KLHL3: variants seen among roughly 807,000 people sequenced by gnomAD.
KLHL3 encodes kelch-like protein 3.
A neutral mutation model predicts 70.5 loss-of-function variants in KLHL3; 19 were observed. That is an observed-to-expected ratio of 0.27 (90% confidence interval 0.19 to 0.40). The LOEUF is 0.40. Ranked by LOEUF, KLHL3 falls within the 10% of genes least tolerant of loss-of-function variation. KLHL3 has a pLI of 1.00. For missense variants in KLHL3, 512 were observed against 771.1 expected (o/e 0.66, Z 3.98); for synonymous variants, 258 against 290.3 (o/e 0.89, Z 1.13).
Position 137,698,338 on chromosome 5 carries a change from C to G in KLHL3, c.312G>C (p.Leu104=). ...TTTCAGCAGTATAGATGTAGTCAAT[C>G]AGCTTACTCAGCGTCTGCCCATCCA... ...KDVDGQTLSK[L]IDYIYTAEIE... The change falls in exon 4 of 15, where the codon CTG becomes CTC. Residue 104 remains leucine (L), a synonymous_variant. Coordinates refer to ENST00000309755, the MANE Select transcript of KLHL3 (RefSeq NM_017415.3). 6.2e-7 allele frequency: 1 copy of G among 1,614,216 alleles called. No individual in the cohort carries two copies. The highest frequency in any genetic ancestry group is 1.7e-5 in the Admixed American group (1 of 60,032).
intron 2 of KLHL3, among the ~76,000 whole-genome samples, chr5:137,715,021 G>A (rs1752867214): frequency 6.6e-6 from 1 of 152,166 alleles, no homozygotes. Context: ...TTCAGGCCTG[G>A]TTAGGATGTG....
chr5:137,625,108 G>A (rs1467373572), intron 14 of KLHL3, among the ~76,000 whole-genome samples: 2 of 151,184 alleles, frequency 1.3e-5, no homozygotes, highest in East Asian at 3.9e-4. Flanking sequence ...CAGCCCAAGG[G>A]TTGTTGAAAA....
intron 2 of KLHL3, among the ~76,000 whole-genome samples, chr5:137,716,815 A>C (rs1188686844): frequency 6.6e-6 from 1 of 152,140 alleles, no homozygotes; most frequent in Non-Finnish European, 1.5e-5. Flanking sequence ...ATTTGTTGAT[A>C]TCAGTGGTGG....
Position 137,683,298 on chromosome 5 carries a change from C to T in KLHL3, c.527-5644G>A, listed in dbSNP as rs188498254. Among the ~76,000 whole-genome samples, 654 of 152,232 alleles carry T rather than the reference C, an allele frequency of 4.3e-3. 4 individuals are homozygous for T. Among genetic ancestry groups the T allele is most frequent in the African/African-American group, 0.014 (599 of 41,532 alleles). On this transcript the variant is annotated intron_variant, in intron 5 of 14. Coordinates refer to ENST00000309755, the MANE Select transcript of KLHL3 (RefSeq NM_017415.3). ...TAAACCCCATAAGCCCCATAATTCC[C>T]AGGGCCAGCAGCCCCAGGGAACAGG... is the stretch of plus-strand genomic sequence containing the variant.
intron 1 of KLHL3, among the ~76,000 whole-genome samples, chr5:137,728,581 G>A (rs1398181567): frequency 1.3e-5 from 2 of 152,132 alleles, no homozygotes; most frequent in Non-Finnish European, 2.9e-5. Flanking sequence ...AGAGAAGAGG[G>A]AAGAAAGTGA....
At position 137,655,135 on chromosome 5, in the gene KLHL3, G is replaced by T. The variant is rs115197443; in HGVS notation, c.903+2996C>A. ...ATTCTTCTGATATCATAGAGGATGA[G>T]AACCAATTTCCAAAGGGAAATGTCA... On this transcript the variant is annotated intron_variant, in intron 8 of 14. Transcript: ENST00000309755. Among the ~76,000 whole-genome samples, 1,305 of 152,256 alleles carry T rather than the reference G, an allele frequency of 8.6e-3. 20 individuals are homozygous for T. Among genetic ancestry groups the T allele is most frequent in the African/African-American group, 0.03 (1,231 of 41,542 alleles).
At chr5:137,686,950 C>A (rs1199145003) in intron 5 of KLHL3, among the ~76,000 whole-genome samples, 2 of 9,176 alleles carry the variant, frequency 2.2e-4, no homozygotes, top group Non-Finnish European at 4.4e-4. Context: ...GCCCGGCCAG[C>A]CGCCCCGTCC....
chr5:137,727,149 C>CT (rs1254451538), intron 1 of KLHL3, among the ~76,000 whole-genome samples: 1 of 152,118 alleles, frequency 6.6e-6, no homozygotes, highest in Non-Finnish European at 1.5e-5. Context: ...TCTGTATTCT[C>CT]TATCTCAGAG....
In KLHL3 at chr5:137,658,142, T is replaced by C. The variant is rs774935035; in HGVS notation, c.892A>G (p.Ser298Gly). Reference sequence around the variant, plus strand: ...GGGCTGGGGCTTACCTTGGGAAGGCTGACTGGAGTCCTGGGCTTGGTCCTT... The same window carrying C: ...GGGCTGGGGCTTACCTTGGGAAGGCCGACTGGAGTCCTGGGCTTGGTCCTT... ...NPRTKPRTPV[S>G]LPKVMIVVGG... Residue 298 changes from serine (S) to glycine (G), a missense_variant, in exon 8 of 15, where the codon AGC (serine) becomes GGC (glycine). By Grantham distance (56) the Ser-to-Gly change is moderately conservative. Coordinates refer to ENST00000309755, the MANE Select transcript of KLHL3 (RefSeq NM_017415.3). 3.9e-5 allele frequency: 63 copies of C among 1,612,804 alleles called. No individual in the cohort carries two copies. The highest frequency in any genetic ancestry group is 5.3e-5 in the Non-Finnish European group (63 of 1,179,786).
Position 137,639,463 on chromosome 5 carries a change from G to A in KLHL3, c.1022-313C>T, listed in dbSNP as rs546973286. ...TAATTCCAGTACCTTGGGAAGCCAA[G>A]GCAGGTGGATCACCTGAGGTCAGGA... On this transcript the variant is annotated intron_variant, in intron 9 of 14. Transcript: ENST00000309755. The surrounding 1 kb of genome is among the most constrained non-coding windows in gnomAD (Gnocchi z 5.0). Among the ~76,000 whole-genome samples, 25 of 152,262 alleles carry A rather than the reference G, an allele frequency of 1.6e-4. No homozygotes were observed. Among genetic ancestry groups the A allele is most frequent in the African/African-American group, 4.8e-4 (20 of 41,536 alleles).
At chr5:137,674,112 C>A (rs1207762023) in intron 6 of KLHL3, among the ~76,000 whole-genome samples, 1 of 152,128 alleles carries the variant, frequency 6.6e-6, no homozygotes, top group African/African-American at 2.4e-5. Flanking sequence ...ATATTCTAAG[C>A]TTTTTTCATA....
intron 8 of KLHL3, among the ~76,000 whole-genome samples, chr5:137,657,364 C>T (rs1017965085): frequency 1.3e-5 from 2 of 152,170 alleles, no homozygotes; most frequent in African/African-American, 4.8e-5. Flanking sequence ...CAGACATCAG[C>T]ATGTTAGACT....
At chr5:137,646,937 A>T in intron 8 of KLHL3, among the ~76,000 whole-genome samples, 1 of 152,210 alleles carries the variant, frequency 6.6e-6, no homozygotes, top group East Asian at 1.9e-4. Flanking sequence ...GAACTGCAGC[A>T]TACTTAGGAG....
At chr5:137,721,889 A>C (rs1753004008) in intron 1 of KLHL3, among the ~76,000 whole-genome samples, 1 of 152,254 alleles carries the variant, frequency 6.6e-6, no homozygotes, top group Admixed American at 6.5e-5. Flanking sequence ...GGAAGGTGGA[A>C]ATAAGGAATC....
rs1750847888 is a variant in KLHL3 at position 137,639,208 on chromosome 5, G to C, written c.1022-58C>G. ...GGTCAGGCGCATGACTGCTCATGTT[G>C]ATGGATGGCAATGGAGGAGCAAGAC... On this transcript the variant is annotated intron_variant, in intron 9 of 14. Coordinates refer to ENST00000309755, the MANE Select transcript of KLHL3 (RefSeq NM_017415.3). The surrounding 1 kb of genome is among the most constrained non-coding windows in gnomAD (Gnocchi z 5.0). 6.5e-7 allele frequency: 1 copy of C among 1,532,694 alleles called. No individual in the cohort carries two copies. The highest frequency in any genetic ancestry group is 1.4e-5 in the African/African-American group (1 of 73,326). 94.9% of individuals were successfully genotyped at this position (1,532,694 alleles called of 1,614,324 possible). A position where few individuals can be genotyped will look rare whatever the true frequency, so the allele number is the denominator to read the frequency against.
In KLHL3 at chr5:137,619,780, T is replaced by C. The variant is rs1310133024; in HGVS notation, c.*2318A>G. On this transcript the variant is annotated 3_prime_UTR_variant, in exon 15 of 15. Coordinates refer to ENST00000309755, the MANE Select transcript of KLHL3 (RefSeq NM_017415.3). ...GCTTTGTAGGGAGGGAGACATGAGG[T>C]GAAACCAATTGCAAAAATCCAAAAA... The C allele has an allele frequency of 6.6e-6, 1 of 152,406 alleles. No individual in the cohort carries two copies. Among genetic ancestry groups the C allele is most frequent in the African/African-American group, 2.4e-5 (1 of 41,350 alleles). The allele number at this position is 152,406 out of a possible 1,614,324, so 9.4% of individuals were successfully genotyped here. A position where few individuals can be genotyped will look rare whatever the true frequency, so the allele number is the denominator to read the frequency against.
Position 137,698,401 on chromosome 5 carries a change from C to T in KLHL3, c.249G>A (p.Met83Ile). ...PYFCAMFTGDMSESKAKKIEI... is the reference protein window; with the variant it reads ...PYFCAMFTGDISESKAKKIEI... Reference sequence around the variant, plus strand: ...CTATCTTTTTGGCTTTACTCTCAGACATGTCACCTAGAGTTTACAACAAAA... The same window carrying T: ...CTATCTTTTTGGCTTTACTCTCAGATATGTCACCTAGAGTTTACAACAAAA... Residue 83 changes from methionine to isoleucine, a missense_variant, in exon 4 of 15, where the codon ATG becomes ATA. Physicochemically the swap from Met to Ile is conservative, Grantham distance 10 (BLOSUM62 1). Transcript: ENST00000309755. The T allele has an allele frequency of 6.2e-7, 1 of 1,614,160 alleles. No homozygotes were observed. Among genetic ancestry groups the T allele is most frequent in the Non-Finnish European group, 8.5e-7 (1 of 1,180,024 alleles).
chr5:137,653,856 C>T (rs1253300078), intron 8 of KLHL3, among the ~76,000 whole-genome samples: 3 of 152,202 alleles, frequency 2.0e-5, no homozygotes, highest in Non-Finnish European at 4.4e-5. Context: ...CAAATGTCCA[C>T]CAACTCGTGA....
chr5:137,720,704 C>T, intron 1 of KLHL3, 120 bp from the exon 2 acceptor site: 1 of 1,534,992 alleles, frequency 6.5e-7, no homozygotes, highest in Non-Finnish European at 8.7e-7. Context: ...CCTGTTCTCA[C>T]ACAGACCCAA....
Sources: gnomAD v4.1 joint callset for allele counts (sites outside exome capture counted in the v4.1 genomes callset) on GRCh38, gnomAD v4.1.1 for gene constraint, Gnocchi (gnomAD v3.1) non-coding constraint, MANE v1.5 for transcripts, NCBI Gene and HGNC (gene_info 2026-07-23, HGNC 2026-07-21) for gene names.